The following GLP2R variants were observed in gnomAD, a reference collection of about 807,000 sequenced individuals.
The protein encoded by GLP2R is glucagon-like peptide 2 receptor.
A neutral mutation model predicts 68.2 loss-of-function variants in GLP2R; 59 were observed. The observed-to-expected ratio is 0.87, with a 90% CI of 0.70 to 1.07. GLP2R has a LOEUF of 1.07. Among genes scored for constraint, GLP2R ranks in the 50% least tolerant of loss-of-function variants. GLP2R has a pLI of 0.00. For missense variants in GLP2R, 548 were observed against 677.4 expected, an observed-to-expected ratio of 0.81 and a Z score of 2.12; for synonymous variants, 270 against 265.4, an observed-to-expected ratio of 1.02 and a Z score of -0.17.
chr17:9,843,222 A>G (rs951848446), intron 4 of GLP2R, among the ~76,000 whole-genome samples: 2 of 152,228 alleles, frequency 1.3e-5, no homozygotes, highest in African/African-American at 2.4e-5. Flanking sequence ...TAAGAATGTT[A>G]ATAAGCCCCC....
At chr17:9,835,262 C>T (rs1487886568) in intron 2 of GLP2R, among the ~76,000 whole-genome samples, 1 of 152,062 alleles carries the variant, frequency 6.6e-6, no homozygotes, top group Non-Finnish European at 1.5e-5. Flanking sequence ...CCCCTGACCT[C>T]GTGATCCAGA....
chr17:9,835,192 C>A (rs891535337), intron 2 of GLP2R, among the ~76,000 whole-genome samples: 1 of 152,050 alleles, frequency 6.6e-6, no homozygotes, highest in East Asian at 1.9e-4. Context: ...CCACTCCCAG[C>A]TAATTTTTGT....
chr17:9,843,184 C>T (rs1274895886), intron 4 of GLP2R, among the ~76,000 whole-genome samples: 2 of 152,202 alleles, frequency 1.3e-5, no homozygotes, highest in Non-Finnish European at 1.5e-5. Context: ...GGTCTAGGGT[C>T]AGGCAGCCCT....
chr17:9,886,497 G>A (rs1318852773), intron 11 of GLP2R, among the ~76,000 whole-genome samples: 1 of 152,220 alleles, frequency 6.6e-6, no homozygotes, highest in African/African-American at 2.4e-5. Flanking sequence ...CAGCTCTTCT[G>A]ATATCATGTG....
chr17:9,846,900 G>A (rs1039755959), intron 4 of GLP2R, among the ~76,000 whole-genome samples: 6 of 152,208 alleles, frequency 3.9e-5, no homozygotes, highest in Non-Finnish European at 5.9e-5. Flanking sequence ...AGGAGACATG[G>A]TTGCCTGTAG....
Position 9,891,389 on chromosome 17 carries a change from A to G in GLP2R, c.*1684A>G, listed in dbSNP as rs2067289484. The stretch of plus-strand genomic sequence containing the variant: ...ATATTCTAAAAAAACAAATTAACAA[A>G]CTACAGCCCATGAGCCATTTATAGA... On this transcript the variant is annotated 3_prime_UTR_variant, in exon 13 of 13. Coordinates refer to ENST00000262441, the MANE Select transcript of GLP2R (RefSeq NM_004246.3). 1 of 152,190 alleles carries G rather than the reference A, an allele frequency of 6.6e-6. No individual in the cohort carries two copies. The highest frequency in any genetic ancestry group is 2.1e-4 in the South Asian group (1 of 4,830). The allele number at this position is 152,190 out of a possible 1,614,324, so 9.4% of individuals were successfully genotyped here.
Position 9,836,423 on chromosome 17 carries a change from T to G in GLP2R, c.330T>G (p.Ser110=). ...AGTACGTGTGTTGGCCTCATTCTTC[T>G]CCTGGAAATGTCTCTGTACCCTGCC... ...FDQYVCWPHS[S]PGNVSVPCPS... Residue 110 remains serine, a synonymous_variant, in exon 3 of 13, where the codon TCT becomes TCG. Transcript: ENST00000262441. 6.2e-7 allele frequency: 1 copy of G among 1,612,620 alleles called. No homozygotes were observed. Among genetic ancestry groups the G allele is most frequent in the Non-Finnish European group, 8.5e-7 (1 of 1,178,584 alleles).
intron 3 of GLP2R, among the ~76,000 whole-genome samples, chr17:9,840,785 G>C (rs1388593805): frequency 6.6e-6 from 1 of 152,064 alleles, no homozygotes; most frequent in Non-Finnish European, 1.5e-5. Flanking sequence ...TTAGAGGGAG[G>C]GTGTTCAGGA....
In GLP2R at chr17:9,870,747, G is replaced by A. The variant is rs2067084903; in HGVS notation, c.1057G>A (p.Val353Ile). 2 of 1,470,666 alleles carry A rather than the reference G, an allele frequency of 1.4e-6. No individual in the cohort carries two copies. The highest frequency in any genetic ancestry group is 1.7e-5 in the Admixed American group (1 of 59,648). 91.1% of individuals were successfully genotyped at this position (1,470,666 alleles called of 1,614,324 possible). ...IRGPMMLCVT[V>I]NFFIFLKILK... ...ACCCAATTCTGCTCTTTTTTTCAAG[G>A]TCAATTTCTTCATCTTCCTGAAAAT... The change falls in exon 10 of 13, where the codon GTC becomes ATC. Residue 353 changes from valine (V) to isoleucine (I), a missense_variant and splice_region_variant. By Grantham distance (29) the Val-to-Ile change is conservative. Coordinates refer to ENST00000262441, the MANE Select transcript of GLP2R (RefSeq NM_004246.3).
intron 9 of GLP2R, among the ~76,000 whole-genome samples, chr17:9,862,417 A>G (rs2066995240): frequency 6.6e-6 from 1 of 152,230 alleles, no homozygotes; most frequent in South Asian, 2.1e-4. Flanking sequence ...GGAACCCAGA[A>G]TAGCAGGGGT....
chr17:9,829,552 C>CT (rs545213039), intron 1 of GLP2R, among the ~76,000 whole-genome samples: 48 of 152,182 alleles, frequency 3.2e-4, no homozygotes, highest in African/African-American at 1.1e-3. Context: ...AATTATATCA[C>CT]TTTTTTTCAT....
intron 3 of GLP2R, among the ~76,000 whole-genome samples, chr17:9,838,278 A>G (rs73974305): frequency 0.065 from 9,930 of 152,218 alleles, 862 homozygotes; most frequent in African/African-American, 0.2. Flanking sequence ...CTGAGCTTCC[A>G]CTTCCTCATC....
intron 4 of GLP2R, among the ~76,000 whole-genome samples, chr17:9,854,067 T>C (rs1434448700): frequency 6.6e-6 from 1 of 152,218 alleles, no homozygotes; most frequent in Non-Finnish European, 1.5e-5. Flanking sequence ...CTATGAAGAC[T>C]TACTTTACAA....
intron 4 of GLP2R, 38 bp from the exon 5 acceptor site, chr17:9,854,457 T>G: frequency 7.9e-7 from 1 of 1,261,488 alleles, no homozygotes; most frequent in South Asian, 1.2e-5. Flanking sequence ...CATAGCCCCA[T>G]GGCTTAGTGG....
intron 10 of GLP2R, among the ~76,000 whole-genome samples, chr17:9,876,811 C>T (rs1053822580): frequency 2.6e-5 from 4 of 152,120 alleles, no homozygotes; most frequent in African/African-American, 9.7e-5. Flanking sequence ...AAGGAAAATT[C>T]GTTTAAAAAA....
intron 3 of GLP2R, among the ~76,000 whole-genome samples, chr17:9,838,633 T>TAA (rs112607731): frequency 1.3e-5 from 2 of 150,318 alleles, no homozygotes; most frequent in East Asian, 1.9e-4. Context: ...AAAGCCTCTT[T>TAA]AAAAAAAAAA....
chr17:9,889,729 C>T lies in GLP2R; in HGVS notation c.*24C>T. ...AGGGTGGAGTTCCACCACCCTGGCT[C>T]TGCTCCCAGGGACTCTTGAGGGGGC... On this transcript the variant is annotated 3_prime_UTR_variant, in exon 13 of 13. Coordinates refer to ENST00000262441, the MANE Select transcript of GLP2R (RefSeq NM_004246.3). 2 of 1,442,252 alleles carry T rather than the reference C, an allele frequency of 1.4e-6. No individual in the cohort carries two copies. Among genetic ancestry groups the T allele is most frequent in the Non-Finnish European group, 1.9e-6 (2 of 1,065,986 alleles). 89.3% of individuals were successfully genotyped at this position (1,442,252 alleles called of 1,614,324 possible). A position where few individuals can be genotyped will look rare whatever the true frequency, so the allele number is the denominator to read the frequency against.
chr17:9,861,473 G>A (rs1038508799), intron 8 of GLP2R, among the ~76,000 whole-genome samples: 13 of 152,164 alleles, frequency 8.5e-5, no homozygotes, highest in Non-Finnish European at 1.3e-4. Flanking sequence ...GGTTACTGCA[G>A]TATTGTTCAT....
chr17:9,867,477 G>A (rs1055670564), intron 9 of GLP2R, among the ~76,000 whole-genome samples: 1 of 152,208 alleles, frequency 6.6e-6, no homozygotes, highest in Non-Finnish European at 1.5e-5. Flanking sequence ...CTCTTGCCAG[G>A]CAGAAATTGT....
Sources: gnomAD v4.1 joint callset for allele counts (sites outside exome capture counted in the v4.1 genomes callset) on GRCh38, gnomAD v4.1.1 for gene constraint, MANE v1.5 for transcripts, NCBI Gene and HGNC (gene_info 2026-07-23, HGNC 2026-07-21) for gene names.